MMP26: variants seen among roughly 807,000 people sequenced by gnomAD.
MMP26 encodes matrix metallopeptidase 26, also known as matrix metalloproteinase-26.
MMP26 carries 33 observed loss-of-function variants against 31.0 expected under a neutral mutation model. The ratio of observed to expected loss-of-function variants is 1.06; its 90% confidence interval spans 0.81 to 1.42. The LOEUF (loss-of-function observed/expected upper bound fraction) is 1.42. Ranked by LOEUF, MMP26 falls within the 40% of genes most tolerant of loss-of-function variation. The probability of loss-of-function intolerance (pLI) is 0.00; values close to 1 mark genes in which losing one functional copy is unlikely to be tolerated. For missense variants in MMP26, 347 were observed against 316.1 expected, an observed-to-expected ratio of 1.10 and a Z score of -0.74; for synonymous variants, 122 against 114.9, an observed-to-expected ratio of 1.06 and a Z score of -0.40.
At chr11:4,900,567 A>G (rs1177738274) in intron 2 of MMP26, among the ~76,000 whole-genome samples, 1 of 152,200 alleles carries the variant, frequency 6.6e-6, no homozygotes, top group Non-Finnish European at 1.5e-5. Context: ...CAATTATGCC[A>G]CCACTGAGGT....
At chr11:4,956,495 G>A (rs1176297813) in intron 2 of MMP26, among the ~76,000 whole-genome samples, 1 of 152,212 alleles carries the variant, frequency 6.6e-6, no homozygotes, top group African/African-American at 2.4e-5. Flanking sequence ...AGGTATTAGA[G>A]AGACATGGTA....
intron 2 of MMP26, among the ~76,000 whole-genome samples, chr11:4,784,666 G>C (rs1848910603): frequency 6.6e-6 from 1 of 152,130 alleles, no homozygotes; most frequent in African/African-American, 2.4e-5. Flanking sequence ...AGAGTGTGTG[G>C]GCTCTTGACA....
At chr11:4,914,334 T>A in intron 2 of MMP26, 1 of 163,664 alleles carries the variant, frequency 6.1e-6, no homozygotes, top group South Asian at 1.7e-4. Context: ...GGAATGGAGG[T>A]GGAAGAGAGA....
intron 2 of MMP26, among the ~76,000 whole-genome samples, chr11:4,927,129 C>T (rs1056655130): frequency 6.6e-6 from 1 of 151,998 alleles, no homozygotes; most frequent in East Asian, 1.9e-4. Context: ...AGAGGTGGGC[C>T]GGGCAATGAT....
intron 2 of MMP26, among the ~76,000 whole-genome samples, chr11:4,880,020 G>T (rs1200500978): frequency 6.6e-6 from 1 of 152,090 alleles, no homozygotes; most frequent in African/African-American, 2.4e-5. Context: ...TGCCTCCAGG[G>T]CTAGGGCTCT....
intron 1 of MMP26, chr11:4,711,772 A>T (rs1847865149): frequency 6.6e-6 from 1 of 152,204 alleles, no homozygotes; most frequent in Admixed American, 6.5e-5. Flanking sequence ...ACAAATTTGC[A>T]TTTTAACAAG....
chr11:4,984,760 A>C (rs1198777082), intron 2 of MMP26, among the ~76,000 whole-genome samples: 1 of 152,172 alleles, frequency 6.6e-6, no homozygotes, highest in African/African-American at 2.4e-5. Context: ...GAATATTTTG[A>C]AATTTCAGGA....
intron 1 of MMP26, among the ~76,000 whole-genome samples, chr11:4,764,874 T>TCACACACACACACACACA (rs149703459): frequency 3.7e-4 from 56 of 151,404 alleles, no homozygotes; most frequent in Middle Eastern, 3.4e-3. Context: ...CGAGACTCCA[T>TCACACACACACACACACA]CACAGACACA....
chr11:4,915,212 A>G, intron 2 of MMP26: 1 of 1,614,058 alleles, frequency 6.2e-7, no homozygotes, highest in Non-Finnish European at 8.5e-7. Context: ...CAGAGAGACC[A>G]GGCCAATCCT....
intron 1 of MMP26, among the ~76,000 whole-genome samples, chr11:4,735,755 A>G (rs1016412533): frequency 4.0e-5 from 6 of 151,806 alleles, no homozygotes; most frequent in African/African-American, 1.5e-4. Context: ...TCAGAATAAT[A>G]GACAATAGTT....
chr11:4,734,657 A>G (rs78708036), intron 1 of MMP26, among the ~76,000 whole-genome samples: 12,689 of 151,990 alleles, frequency 0.083, 689 homozygotes, highest in Non-Finnish European at 0.12. Flanking sequence ...TTATTTAGGA[A>G]TGTATTATTT....
rs566618692 is a variant in MMP26 at position 4,720,715 on chromosome 11, G to T, written c.-217+15670G>T. On this transcript the variant is annotated intron_variant, in intron 1 of 7. Transcript: ENST00000380390. ...TTCTGACCTATAATGAGAGGGAGCT[G>T]CTCTTTTGGTTCTGGTACCTTAGGA... 8.5e-5 allele frequency among the ~76,000 whole-genome samples: 13 copies of T among 152,264 alleles called. No homozygotes were observed. In the South Asian group the frequency reaches 2.7e-3, roughly 32 times the overall value.
At chr11:4,866,301 T>C (rs1850233661) in intron 2 of MMP26, among the ~76,000 whole-genome samples, 1 of 152,094 alleles carries the variant, frequency 6.6e-6, no homozygotes, top group Non-Finnish European at 1.5e-5. Context: ...TTCATACAAG[T>C]TACTAAAAAT....
chr11:4,885,931 A>G (rs114705219), intron 2 of MMP26, among the ~76,000 whole-genome samples: 1 of 151,996 alleles, frequency 6.6e-6, no homozygotes, highest in African/African-American at 2.4e-5. Context: ...TGCTAGTTTA[A>G]TTACTTATTT....
chr11:4,875,069 T>G (rs1850361408), intron 2 of MMP26: 2 of 152,142 alleles, frequency 1.3e-5, no homozygotes, highest in Admixed American at 1.3e-4. Flanking sequence ...TGAATCTGTC[T>G]TTTGGGAGAT....
chr11:4,848,371 G>T, intron 2 of MMP26: 1 of 1,614,144 alleles, frequency 6.2e-7, no homozygotes, highest in Non-Finnish European at 8.5e-7. Context: ...AGAAGAGTAT[G>T]GGTATGCTGA....
intron 2 of MMP26, chr11:4,923,781 T>C: frequency 1.9e-6 from 3 of 1,614,040 alleles, no homozygotes; most frequent in South Asian, 1.1e-5. Flanking sequence ...GCCAGCTTCA[T>C]GATCTCCAGG....
chr11:4,873,622 TG>T (rs1188490442), intron 2 of MMP26, among the ~76,000 whole-genome samples: 1 of 152,132 alleles, frequency 6.6e-6, no homozygotes, highest in Non-Finnish European at 1.5e-5. Context: ...ATAGATTTCA[TG>T]ACAAATCTTT....
At chr11:4,882,010 C>T in intron 2 of MMP26, 1 of 1,613,912 alleles carries the variant, frequency 6.2e-7, no homozygotes, top group Non-Finnish European at 8.5e-7. Flanking sequence ...GCTGTCTCTA[C>T]ACCATTGCCC....
Sources: gnomAD v4.1 joint callset for allele counts (sites outside exome capture counted in the v4.1 genomes callset) on GRCh38, gnomAD v4.1.1 for gene constraint, MANE v1.5 for transcripts, NCBI Gene and HGNC (gene_info 2026-07-23, HGNC 2026-07-21) for gene names.